The following PDZD2 variants were observed in gnomAD, a reference collection of about 807,000 sequenced individuals.
PDZD2 encodes PDZ domain containing 2, also known as PDZ domain-containing protein 2.
Under a neutral mutation model 220.7 loss-of-function variants are expected in PDZD2, and 90 were observed. That is an observed-to-expected ratio of 0.41 (90% CI 0.34 to 0.49). The LOEUF is 0.49. PDZD2 is among the 20% of genes least tolerant of loss of function. The pLI is 0.28. For synonymous variants in PDZD2, 1,375 were observed against 1,450.5 expected (o/e 0.95, Z 1.18); for missense variants, 3,174 against 3,608.5 (o/e 0.88, Z 3.08).
chr5:31,934,607 T>A (rs1205330534), intron 2 of PDZD2, among the ~76,000 whole-genome samples: 38 of 118,048 alleles, frequency 3.2e-4, no homozygotes, highest in Non-Finnish European at 3.7e-4. Context: ...ACCATCTAAT[T>A]AAAAAAAAAA....
intron 6 of PDZD2, among the ~76,000 whole-genome samples, chr5:32,024,314 C>T (rs990479138): frequency 1.1e-4 from 16 of 152,184 alleles, no homozygotes; most frequent in African/African-American, 3.9e-4. Context: ...AAAGTTACAG[C>T]CACAGTGCAT....
intron 6 of PDZD2, among the ~76,000 whole-genome samples, chr5:32,014,912 G>C (rs1753659511): frequency 7.4e-6 from 1 of 136,044 alleles, no homozygotes; most frequent in Middle Eastern, 4.3e-3. Flanking sequence ...GTTCCACCAT[G>C]TTGGCCAGGA....
chr5:32,010,183 C>G (rs1008806029), intron 5 of PDZD2, 147 bp from the exon 6 acceptor site: 3 of 596,196 alleles, frequency 5.0e-6, no homozygotes, highest in Non-Finnish European at 9.0e-6. Flanking sequence ...CACCCCTGGC[C>G]TTTGAGGTAA....
chr5:31,678,211 G>A (rs991755038), intron 1 of PDZD2, among the ~76,000 whole-genome samples: 16 of 152,152 alleles, frequency 1.1e-4, no homozygotes, highest in African/African-American at 3.6e-4. Context: ...GAATACCCTG[G>A]AGGAAGCTCC....
Position 32,058,067 on chromosome 5 carries a change from A to C in PDZD2, c.2164A>C (p.Lys722Gln), listed in dbSNP as rs780826800. ...SSLGRKTPGP[K>Q]DRIVMEVTLN... The stretch of plus-strand genomic sequence containing the variant: ...CCTGGGTCGGAAGACCCCTGGGCCC[A>C]AGGACAGGATCGTCATGGAAGTAAC... The change falls in exon 12 of 25, where the codon AAG becomes CAG. Residue 722 changes from lysine (K) to glutamine (Q), a missense_variant. Transcript: ENST00000438447. The C allele has an allele frequency of 2.5e-6, 4 of 1,607,152 alleles. No individual in the cohort carries two copies. Among genetic ancestry groups the C allele is most frequent in the Non-Finnish European group, 1.7e-6 (2 of 1,173,658 alleles).
At chr5:31,716,667 G>T (rs1213517809) in intron 1 of PDZD2, among the ~76,000 whole-genome samples, 1 of 152,184 alleles carries the variant, frequency 6.6e-6, no homozygotes, top group Non-Finnish European at 1.5e-5. Context: ...GCCGGGTGTG[G>T]TGGTGGGCAC....
intron 2 of PDZD2, among the ~76,000 whole-genome samples, chr5:31,874,826 G>C: frequency 6.6e-6 from 1 of 150,422 alleles, no homozygotes; most frequent in East Asian, 1.9e-4. Flanking sequence ...CTGCCACTCA[G>C]ATTTAATGGT....
intron 1 of PDZD2, among the ~76,000 whole-genome samples, chr5:31,642,881 G>A (rs1268196779): frequency 1.3e-5 from 2 of 152,188 alleles, no homozygotes; most frequent in Non-Finnish European, 1.5e-5. Context: ...ACTGCTGCCT[G>A]CCAGGGGAAG....
At chr5:31,649,668 C>T (rs116230033) in intron 1 of PDZD2, among the ~76,000 whole-genome samples, 3 of 152,048 alleles carry the variant, frequency 2.0e-5, no homozygotes, top group South Asian at 2.1e-4. Flanking sequence ...GGCGCGGCAG[C>T]GCATGCCTGT....
chr5:31,706,380 T>C (rs1004180684), intron 1 of PDZD2, among the ~76,000 whole-genome samples: 10 of 151,580 alleles, frequency 6.6e-5, no homozygotes, highest in African/African-American at 9.7e-5. Context: ...CTGGGAGAGA[T>C]GGGGATCTAT....
chr5:31,922,387 G>T lies in PDZD2; in HGVS notation c.477-60768G>T, dbSNP rs566371030. On this transcript the variant is annotated intron_variant, in intron 2 of 24. Coordinates refer to ENST00000438447, the MANE Select transcript of PDZD2 (RefSeq NM_178140.4). ...CTCTTAATCTTCCCCACTTGAATAA[G>T]AAAGACTTATATGTATATTTTTTTT... is the stretch of plus-strand genomic sequence containing the variant. Among the ~76,000 whole-genome samples the T allele has an allele frequency of 2.6e-4, 40 of 152,292 alleles. No individual in the cohort carries two copies. In the South Asian group the frequency reaches 2.7e-3, roughly 10 times the overall value.
chr5:32,090,528 T>A lies in PDZD2; in HGVS notation c.7080T>A (p.Phe2360Leu). 1 of 1,613,928 alleles carries A rather than the reference T, an allele frequency of 6.2e-7. No individual in the cohort carries two copies. Among genetic ancestry groups the A allele is most frequent in the Non-Finnish European group, 8.5e-7 (1 of 1,179,976 alleles). ...RPVAKSGASP[F>L]LSVSSKPPIG... ...TAGCCAAGTCCGGGGCTTCCCCATT[T>A]TTGTCGGTGAGCTCCAAGCCTCCCA... Residue 2360 changes from phenylalanine (F) to leucine (L), a missense_variant, in exon 20 of 25, where the codon TTT (phenylalanine) becomes TTA (leucine). By Grantham distance (22) the Phe-to-Leu change is conservative. Transcript: ENST00000438447. The surrounding 1 kb of genome is among the most constrained non-coding windows in gnomAD (Gnocchi z 4.3).
At chr5:31,793,965 G>T (rs971190982) in intron 1 of PDZD2, among the ~76,000 whole-genome samples, 3 of 152,138 alleles carry the variant, frequency 2.0e-5, no homozygotes, top group Non-Finnish European at 4.4e-5. Flanking sequence ...TGTGATTTCA[G>T]CGTGCTCATT....
chr5:31,858,792 C>T (rs1010062279), intron 2 of PDZD2, among the ~76,000 whole-genome samples: 2 of 147,102 alleles, frequency 1.4e-5, no homozygotes, highest in African/African-American at 4.9e-5. Flanking sequence ...GATTTCAACT[C>T]ACTGCAACCT....
chr5:31,726,884 T>C (rs1358223035), intron 1 of PDZD2, among the ~76,000 whole-genome samples: 1 of 152,188 alleles, frequency 6.6e-6, no homozygotes, highest in African/African-American at 2.4e-5. Flanking sequence ...TTTAATTGCC[T>C]TGTAGTTCTG....
intron 2 of PDZD2, among the ~76,000 whole-genome samples, chr5:31,862,674 C>A (rs1401843601): frequency 6.6e-6 from 1 of 151,766 alleles, no homozygotes; most frequent in Non-Finnish European, 1.5e-5. Flanking sequence ...AATTCTCCTA[C>A]CTCAGCCTCC....
At chr5:31,850,954 T>A (rs1421863895) in intron 2 of PDZD2, among the ~76,000 whole-genome samples, 1 of 152,084 alleles carries the variant, frequency 6.6e-6, no homozygotes, top group Admixed American at 6.5e-5. Flanking sequence ...TCTAAAGTTG[T>A]ATTTTGAGTC....
At chr5:31,998,553 C>T (rs1042144233) in intron 4 of PDZD2, among the ~76,000 whole-genome samples, 4 of 152,168 alleles carry the variant, frequency 2.6e-5, no homozygotes, top group African/African-American at 9.7e-5. Flanking sequence ...AGACTGGAGA[C>T]AAACGGAGCT....
chr5:32,092,975 C>T lies in PDZD2; in HGVS notation c.7796C>T (p.Ser2599Leu), dbSNP rs1581479905. ...CAGTCTGTTTTATCGTCAGTGGGATCGAAATCTACCATCCTAACTCTCATT... is the reference window on the plus strand; with the variant it reads ...CAGTCTGTTTTATCGTCAGTGGGATTGAAATCTACCATCCTAACTCTCATT... ...RLQSVLSSVG[S>L]KSTILTLIQE... The change falls in exon 21 of 25, where the codon TCG becomes TTG. Residue 2599 changes from serine (S) to leucine (L), a missense_variant. Ser to Leu is a moderately radical substitution (Grantham distance 145). Transcript: ENST00000438447. The T allele has an allele frequency of 6.2e-6, 10 of 1,605,396 alleles. No individual in the cohort carries two copies. The highest frequency in any genetic ancestry group is 8.5e-6 in the Non-Finnish European group (10 of 1,172,482).
Sources: allele counts gnomAD v4.1 joint callset (sites outside exome capture counted in the v4.1 genomes callset), GRCh38; gene constraint gnomAD v4.1.1; non-coding constraint Gnocchi (gnomAD v3.1); transcripts MANE v1.5; gene names NCBI Gene and HGNC (gene_info 2026-07-23, HGNC 2026-07-21).